Variants in ADAM28 observed in about 807,000 individuals in gnomAD.
ADAM28 encodes disintegrin and metalloproteinase domain-containing protein 28.
Under a neutral mutation model 101.2 loss-of-function variants are expected in ADAM28, and 105 were observed. That is an observed-to-expected ratio of 1.04 (90% CI 0.89 to 1.22). ADAM28 has a LOEUF of 1.22. Ranked by LOEUF, ADAM28 falls within the 50% of genes most tolerant of loss-of-function variation. The pLI is 0.00. For missense variants in ADAM28, 1,028 were observed against 945.4 expected, an observed-to-expected ratio of 1.09 and a Z score of -1.15; for synonymous variants, 322 against 310.6, an observed-to-expected ratio of 1.04 and a Z score of -0.39.
chr8:24,296,447 T>C (rs1210923455), intron 1 of ADAM28, among the ~76,000 whole-genome samples: 1 of 152,214 alleles, frequency 6.6e-6, no homozygotes, highest in Non-Finnish European at 1.5e-5. Flanking sequence ...TAATATGATG[T>C]GTTCAGTTTG....
intron 14 of ADAM28, among the ~76,000 whole-genome samples, chr8:24,337,905 AT>A (rs1814287223): frequency 1.3e-5 from 2 of 152,360 alleles, no homozygotes; most frequent in Admixed American, 6.5e-5. Context: ...AATTAAAATC[AT>A]TTTAACTCAT....
At chr8:24,302,503 G>A (rs531975265) in intron 2 of ADAM28, among the ~76,000 whole-genome samples, 1 of 152,286 alleles carries the variant, frequency 6.6e-6, no homozygotes, top group African/African-American at 2.4e-5. Flanking sequence ...CTAGGTCTTT[G>A]AGGAATTGCC....
chr8:24,308,001 C>T (rs56809802), intron 2 of ADAM28, among the ~76,000 whole-genome samples: 1 of 152,008 alleles, frequency 6.6e-6, no homozygotes, highest in Non-Finnish European at 1.5e-5. Flanking sequence ...CCATTGACAT[C>T]CCCTAGACCT....
Position 24,320,276 on chromosome 8 carries a change from T to C in ADAM28, c.617T>C (p.Ile206Thr), listed in dbSNP as rs746814112. The C allele has an allele frequency of 1.7e-5, 27 of 1,603,752 alleles. 1 individual carries two copies. The South Asian group carries it at 1.9e-4, about 11-fold the overall frequency. ...DRKVQEHEKY[I>T]EYYLVLDNGE... Reference sequence around the variant, plus strand: ...AAGGTTCAGGAACATGAGAAATACATAGAATATTATTTGGTCCTGGATAAT... The same window carrying C: ...AAGGTTCAGGAACATGAGAAATACACAGAATATTATTTGGTCCTGGATAAT... The change falls in exon 7 of 23, where the codon ATA (isoleucine) becomes ACA (threonine). Residue 206 changes from isoleucine to threonine, a missense_variant. Transcript: ENST00000265769.
At position 24,330,000 on chromosome 8, in the gene ADAM28, C is replaced by T. The variant is rs1433760908; in HGVS notation, c.988C>T (p.Leu330Phe). The T allele has an allele frequency of 6.2e-7, 1 of 1,612,286 alleles. No individual in the cohort carries two copies. Among genetic ancestry groups the T allele is most frequent in the African/African-American group, 1.3e-5 (1 of 74,748 alleles). ...VGVVQDHSDN[L>F]LRVAGTMAHE... ...ATACCTTTAGGACCACAGCGATAAT[C>T]TTCTTAGAGTTGCAGGGACAATGGC... Residue 330 changes from leucine (L) to phenylalanine (F), a missense_variant, in exon 11 of 23, where the codon CTT becomes TTT. Transcript: ENST00000265769.
chr8:24,302,707 T>C (rs1470599226), intron 2 of ADAM28, among the ~76,000 whole-genome samples: 2 of 152,236 alleles, frequency 1.3e-5, no homozygotes, highest in Admixed American at 1.3e-4. Context: ...TTGAGCTTTT[T>C]TCATGTTTGT....
chr8:24,321,220 TAA>T lies in ADAM28; in HGVS notation c.654_655del (p.Arg219ValfsTer3), dbSNP rs750526761. On this transcript the variant is annotated frameshift_variant, in exon 8 of 23. Transcript: ENST00000265769. LOFTEE classifies it high-confidence loss of function. The part of the protein sequence containing the change: ...YYLVLDNGEF[K>X]RYNENQDEIR... ...TTCTTTCTTAATTTTTCTTTTAGTTTAAAAGGTACAATGAGAATCAAGATGAG... is the reference window on the plus strand; with the variant it reads ...TTCTTTCTTAATTTTTCTTTTAGTTTAAGGTACAATGAGAATCAAGATGAG... The T allele has an allele frequency of 1.9e-6, 3 of 1,597,034 alleles. No individual in the cohort carries two copies. The highest frequency in any genetic ancestry group is 2.6e-6 in the Non-Finnish European group (3 of 1,165,588).
chr8:24,320,289 G>A lies in ADAM28; in HGVS notation c.630G>A (p.Leu210=), dbSNP rs1424606126. Residue 210 remains leucine, a synonymous_variant, in exon 7 of 23, where the codon TTG becomes TTA. Transcript: ENST00000265769. ...ATGAGAAATACATAGAATATTATTT[G>A]GTCCTGGATAATGGTGAGGTAATTA... The part of the protein sequence containing the change: ...QEHEKYIEYY[L]VLDNGEFKRY... 21 of 1,602,122 alleles carry A rather than the reference G, an allele frequency of 1.3e-5. No homozygotes were observed. Among genetic ancestry groups the A allele is most frequent in the Non-Finnish European group, 1.8e-5 (21 of 1,171,546 alleles).
chr8:24,294,299 C>T, intron 1 of ADAM28, 104 bp downstream of exon 1: 1 of 1,378,414 alleles, frequency 7.3e-7, no homozygotes, highest in Non-Finnish European at 1.0e-6. Context: ...TTTTCTTTTT[C>T]TTTTTTCTCA....
chr8:24,294,187 C>G lies in ADAM28; in HGVS notation c.38C>G (p.Ser13Cys), dbSNP rs761990099. 1 of 1,614,166 alleles carries G rather than the reference C, an allele frequency of 6.2e-7. No homozygotes were observed. The highest frequency in any genetic ancestry group is 8.5e-7 in the Non-Finnish European group (1 of 1,180,000). The part of the protein sequence containing the change: ...QGLLPVSLLL[S>C]VAVSAIKELP... ...CTCCTGCCAGTCAGTCTCCTCCTCT[C>G]TGTTGCAGGTACATATTTAGCTCTT... Residue 13 changes from serine to cysteine, a missense_variant, in exon 1 of 23, where the codon TCT (serine) becomes TGT (cysteine). Transcript: ENST00000265769.
At chr8:24,350,348 G>T (rs191174700) in intron 19 of ADAM28, among the ~76,000 whole-genome samples, 300 of 152,180 alleles carry the variant, frequency 2.0e-3, no homozygotes, top group African/African-American at 6.9e-3. Context: ...GTCTCCCTCT[G>T]TGGCCCAGGC....
At chr8:24,352,327 CAT>C (rs1816258547) in intron 21 of ADAM28, among the ~76,000 whole-genome samples, 2 of 152,180 alleles carry the variant, frequency 1.3e-5, no homozygotes, top group Non-Finnish European at 2.9e-5. Context: ...ACTAAATTAA[CAT>C]AGATTGAGTG....
At chr8:24,348,307 C>T (rs535392418) in intron 18 of ADAM28, among the ~76,000 whole-genome samples, 1 of 152,246 alleles carries the variant, frequency 6.6e-6, no homozygotes, top group East Asian at 1.9e-4. Flanking sequence ...TTGACATATA[C>T]CCAGCAACTC....
chr8:24,313,629 G>T, intron 6 of ADAM28, 49 bp downstream of exon 6: 1 of 1,568,220 alleles, frequency 6.4e-7, no homozygotes. Context: ...TTCTGCCCTG[G>T]TTTCCAGAAT....
rs373244418 is a variant in ADAM28, at chr8:24,343,153, A to G, written c.1883A>G (p.Asn628Ser). Residue 628 changes from asparagine (N) to serine (S), a missense_variant, in exon 17 of 23, where the codon AAT becomes AGT. By Grantham distance (46) the Asn-to-Ser change is conservative. Transcript: ENST00000265769. ...ATTGAGAAAGCCTACAAATCAACCAATTGCTCATCTAAGTGCAAAGGACAT... is the reference window on the plus strand; with the variant it reads ...ATTGAGAAAGCCTACAAATCAACCAGTTGCTCATCTAAGTGCAAAGGACAT... ...VDIEKAYKST[N>S]CSSKCKGHAV... 3.2e-5 allele frequency: 52 copies of G among 1,613,762 alleles called. No individual in the cohort carries two copies. Among genetic ancestry groups the G allele is most frequent in the Non-Finnish European group, 4.2e-5 (49 of 1,179,830 alleles).
At chr8:24,324,774 A>G (rs1253054089) in intron 9 of ADAM28, among the ~76,000 whole-genome samples, 7 of 152,038 alleles carry the variant, frequency 4.6e-5, no homozygotes, top group South Asian at 2.1e-4. Context: ...GTTTCTGTCT[A>G]TATCCCCTTT....
chr8:24,354,413 C>A lies in ADAM28; in HGVS notation c.*9C>A. On this transcript the variant is annotated 3_prime_UTR_variant, in exon 23 of 23. Coordinates refer to ENST00000265769, the MANE Select transcript of ADAM28 (RefSeq NM_014265.6). ...CAAATCCAAAAGCATGAAGCAACAG[C>A]TAAGCAAGAACTAATGGCTAAATTA... The A allele has an allele frequency of 1.2e-6, 2 of 1,603,132 alleles. No individual in the cohort carries two copies. The highest frequency in any genetic ancestry group is 2.3e-5 in the East Asian group (1 of 44,376).
At chr8:24,342,589 T>C (rs1814910867) in intron 16 of ADAM28, among the ~76,000 whole-genome samples, 2 of 152,198 alleles carry the variant, frequency 1.3e-5, no homozygotes. Flanking sequence ...AAACATATGC[T>C]AGCATCAAGG....
rs191152656 is a variant in ADAM28 at position 24,316,967 on chromosome 8, C to T, written c.577-3269C>T. 1.9e-3 allele frequency among the ~76,000 whole-genome samples: 291 copies of T among 151,320 alleles called. 1 individual carries two copies. The highest frequency in any genetic ancestry group is 6.7e-3 in the African/African-American group (277 of 41,164). On this transcript the variant is annotated intron_variant, in intron 6 of 22. Transcript: ENST00000265769. ...ATCAAGAACACCATTCCATTTATAA[C>T]ATAAATAATACTTGGGAATAAATTT... is the stretch of plus-strand genomic sequence containing the variant.
Sources: allele counts gnomAD v4.1 joint callset (sites outside exome capture counted in the v4.1 genomes callset), GRCh38; gene constraint gnomAD v4.1.1; transcripts MANE v1.5; gene names NCBI Gene and HGNC (gene_info 2026-07-23, HGNC 2026-07-21).